The following EPB41L2 variants were observed in gnomAD, a reference collection of about 807,000 sequenced individuals.
The protein encoded by EPB41L2 is band 4.1-like protein 2.
Under a neutral mutation model 113.0 loss-of-function variants are expected in EPB41L2, and 43 were observed. The ratio of observed to expected loss-of-function variants is 0.38; its 90% CI spans 0.30 to 0.49. The LOEUF (loss-of-function observed/expected upper bound fraction) is 0.49, where lower values mean the gene tolerates loss of function less well. Ranked by LOEUF, EPB41L2 falls within the 20% of genes least tolerant of loss-of-function variation. EPB41L2 has a pLI of 0.95. For synonymous variants in EPB41L2, 442 were observed against 436.7 expected, an observed-to-expected ratio of 1.01 and a Z score of -0.15; for missense variants, 1,147 against 1,223.4, an observed-to-expected ratio of 0.94 and a Z score of 0.93.
At chr6:130,859,319 G>C (rs1448634239) in intron 18 of EPB41L2, among the ~76,000 whole-genome samples, 1 of 152,056 alleles carries the variant, frequency 6.6e-6, no homozygotes, top group South Asian at 2.1e-4. Context: ...ACAGGAGTTC[G>C]AAACCAGCCT....
intron 1 of EPB41L2, among the ~76,000 whole-genome samples, chr6:131,006,753 T>C (rs971448178): frequency 1.2e-4 from 19 of 152,060 alleles, no homozygotes; most frequent in Non-Finnish European, 2.9e-5. Context: ...TCTCTAATAC[T>C]AGGTTTTGAA....
Position 130,863,838 on chromosome 6 carries a change from C to T in EPB41L2, c.2830-120G>A. 4 of 598,172 alleles carry T rather than the reference C, an allele frequency of 6.7e-6. No homozygotes were observed. In the South Asian group the frequency reaches 8.9e-5, roughly 13 times the overall value. The allele number at this position is 598,172 out of a possible 1,614,324, so 37.1% of individuals were successfully genotyped here. A position where few individuals can be genotyped will look rare whatever the true frequency, so the allele number is the denominator to read the frequency against. ...TGGATCATTGTAAGGCCACACACAACAAGCAGCAAAAGACTGATATTCTAG... is the reference window on the plus strand; with the variant it reads ...TGGATCATTGTAAGGCCACACACAATAAGCAGCAAAAGACTGATATTCTAG... On this transcript the variant is annotated intron_variant, in intron 17 of 19. Transcript: ENST00000337057.
At chr6:130,881,740 A>G (rs1302344416) in intron 12 of EPB41L2, 1 of 152,190 alleles carries the variant, frequency 6.6e-6, no homozygotes, top group Non-Finnish European at 1.5e-5. Context: ...AAGGAGCACT[A>G]TGAGGCCCAA....
intron 1 of EPB41L2, among the ~76,000 whole-genome samples, chr6:131,023,329 G>T (rs1789955561): frequency 6.6e-6 from 1 of 152,044 alleles, no homozygotes; most frequent in South Asian, 2.1e-4. Flanking sequence ...TTCCTGTGTT[G>T]TCCTTCATCT....
chr6:130,985,524 C>T (rs565434440), intron 1 of EPB41L2, among the ~76,000 whole-genome samples: 21 of 152,290 alleles, frequency 1.4e-4, no homozygotes, highest in East Asian at 3.9e-4. Context: ...GTGAATGTGA[C>T]GTCTCCTGCA....
chr6:131,001,476 G>GA (rs1433165453), intron 1 of EPB41L2, among the ~76,000 whole-genome samples: 2 of 151,820 alleles, frequency 1.3e-5, no homozygotes, highest in African/African-American at 4.8e-5. Flanking sequence ...AGTGCTGCCA[G>GA]AAAAAAAAGA....
intron 1 of EPB41L2, among the ~76,000 whole-genome samples, chr6:131,023,757 A>C (rs1451925233): frequency 2.7e-4 from 21 of 77,548 alleles, no homozygotes; most frequent in African/African-American, 1.2e-3. Flanking sequence ...CTATATATAG[A>C]TATATAGATA....
intron 12 of EPB41L2, chr6:130,880,832 T>G (rs976484002): frequency 1.5e-5 from 4 of 259,834 alleles, no homozygotes; most frequent in African/African-American, 2.2e-5. Flanking sequence ...ATTTGAAATG[T>G]CTAAAGCAAC....
chr6:130,983,407 T>TA (rs1268137685), intron 1 of EPB41L2, among the ~76,000 whole-genome samples: 3 of 152,180 alleles, frequency 2.0e-5, no homozygotes, highest in African/African-American at 7.2e-5. Flanking sequence ...AGAGTGTACT[T>TA]ACAACGTACA....
Position 130,963,704 on chromosome 6 carries a change from G to C in EPB41L2, c.-14-7205C>G, listed in dbSNP as rs546136096. ...TCCACCAGCAACTAAGGCAATCTTG[G>C]AAATAGATACGATTTCCTGAAGTTA... On this transcript the variant is annotated intron_variant, in intron 1 of 19. Coordinates refer to ENST00000337057, the MANE Select transcript of EPB41L2 (RefSeq NM_001431.4). Among the ~76,000 whole-genome samples, 130 of 152,290 alleles carry C rather than the reference G, an allele frequency of 8.5e-4. 1 individual carries two copies. The highest frequency in any genetic ancestry group is 3.1e-3 in the African/African-American group (127 of 41,564).
At chr6:130,853,170 G>A (rs139528146) in intron 19 of EPB41L2, among the ~76,000 whole-genome samples, 1 of 152,316 alleles carries the variant, frequency 6.6e-6, no homozygotes, top group Non-Finnish European at 1.5e-5. Flanking sequence ...ATGAATGGAT[G>A]AGTGAAAGGA....
chr6:130,867,822 G>A, intron 15 of EPB41L2: 1 of 450,564 alleles, frequency 2.2e-6, no homozygotes, highest in Non-Finnish European at 4.1e-6. Context: ...ATGAATGTGT[G>A]TATGTGTACA....
At chr6:130,918,759 T>G (rs779880813) in intron 4 of EPB41L2, among the ~76,000 whole-genome samples, 1 of 152,194 alleles carries the variant, frequency 6.6e-6, no homozygotes, top group Non-Finnish European at 1.5e-5. Context: ...TACTTTATAA[T>G]GGGTTGAATT....
At chr6:131,037,985 T>C (rs1232970387) in intron 1 of EPB41L2, among the ~76,000 whole-genome samples, 1 of 152,196 alleles carries the variant, frequency 6.6e-6, no homozygotes, top group Non-Finnish European at 1.5e-5. Flanking sequence ...TATCAAGCAT[T>C]ATGTCCTTTA....
intron 14 of EPB41L2, among the ~76,000 whole-genome samples, chr6:130,871,506 A>G (rs1378559937): frequency 1.3e-5 from 2 of 152,174 alleles, no homozygotes; most frequent in African/African-American, 2.4e-5. Context: ...GGCTGAGTTC[A>G]TCTCTCCCAG....
chr6:131,042,117 G>A (rs1375167221), intron 1 of EPB41L2, among the ~76,000 whole-genome samples: 2 of 152,122 alleles, frequency 1.3e-5, no homozygotes, highest in African/African-American at 2.4e-5. Context: ...AGGCGGGTAC[G>A]TGGGGATTCA....
chr6:130,874,479 A>G (rs890667759), intron 14 of EPB41L2, among the ~76,000 whole-genome samples: 3 of 152,198 alleles, frequency 2.0e-5, no homozygotes, highest in Admixed American at 1.3e-4. Flanking sequence ...GTACTCTGGT[A>G]AAGTCAAAAC....
chr6:131,019,935 G>A (rs538671670), intron 1 of EPB41L2, among the ~76,000 whole-genome samples: 3 of 152,142 alleles, frequency 2.0e-5, no homozygotes, highest in African/African-American at 7.2e-5. Context: ...CTCCATGGCA[G>A]TATGAAAACA....
chr6:130,967,828 G>A (rs1262560452), intron 1 of EPB41L2, among the ~76,000 whole-genome samples: 1 of 152,138 alleles, frequency 6.6e-6, no homozygotes, highest in Non-Finnish European at 1.5e-5. Flanking sequence ...GTGGCTTCCT[G>A]ATAAATATCT....
Sources: allele counts gnomAD v4.1 joint callset (sites outside exome capture counted in the v4.1 genomes callset), GRCh38; gene constraint gnomAD v4.1.1; transcripts MANE v1.5; gene names NCBI Gene and HGNC (gene_info 2026-07-23, HGNC 2026-07-21).